COLEC10: variants seen among roughly 807,000 people sequenced by gnomAD.
The protein encoded by COLEC10 is collectin subfamily member 10.
COLEC10 carries 22 observed loss-of-function variants against 28.4 expected under a neutral mutation model. That is an observed-to-expected ratio of 0.78 (90% confidence interval 0.55 to 1.11). The LOEUF is 1.11. Ranked by LOEUF, COLEC10 falls within the 50% of genes least tolerant of loss-of-function variation. The pLI is 0.00. For missense variants in COLEC10, 361 were observed against 344.1 expected (o/e 1.05, Z -0.39); for synonymous variants, 125 against 116.1 (o/e 1.08, Z -0.49).
the COLEC10 span, among the ~76,000 whole-genome samples, chr8:118,981,808 T>G: frequency 3.3e-5 from 5 of 152,146 alleles, no homozygotes; most frequent in Non-Finnish European, 5.9e-5. Flanking sequence ...GGTGATGGGA[T>G]AAGAAAACAT....
the COLEC10 span, among the ~76,000 whole-genome samples, chr8:118,980,770 C>T: frequency 6.6e-6 from 1 of 151,928 alleles, no homozygotes; most frequent in African/African-American, 2.4e-5. Context: ...ATTCAGTTGA[C>T]ATATTGATTG....
At chr8:118,986,502 T>G in the COLEC10 span, among the ~76,000 whole-genome samples, 1 of 152,006 alleles carries the variant, frequency 6.6e-6, no homozygotes, top group Non-Finnish European at 1.5e-5. Context: ...GAATAAAATA[T>G]TCAAAGAAAC....
chr8:119,014,649 T>C (rs1474741806), intron 2 of COLEC10, among the ~76,000 whole-genome samples: 3 of 151,018 alleles, frequency 2.0e-5, no homozygotes, highest in Non-Finnish European at 4.4e-5. Flanking sequence ...ATATTTTCTC[T>C]GTTCTTTTCT....
chr8:119,007,328 C>T (rs557908372), intron 1 of COLEC10, among the ~76,000 whole-genome samples: 1 of 152,036 alleles, frequency 6.6e-6, no homozygotes, highest in Non-Finnish European at 1.5e-5. Flanking sequence ...CTGTAGTTGT[C>T]TCATTTTATT....
At chr8:119,026,075 A>G (rs560802985) in intron 2 of COLEC10, among the ~76,000 whole-genome samples, 81 of 152,334 alleles carry the variant, frequency 5.3e-4, no homozygotes, top group African/African-American at 1.9e-3. Context: ...TGACTTTCAC[A>G]GTAACTGGTT....
chr8:118,986,547 A>G, the COLEC10 span, among the ~76,000 whole-genome samples: 1 of 152,202 alleles, frequency 6.6e-6, no homozygotes, highest in East Asian at 1.9e-4. Flanking sequence ...AGGAAAATAA[A>G]TAGATTATAA....
At chr8:119,051,687 C>G (rs1285027799) in intron 2 of COLEC10, among the ~76,000 whole-genome samples, 1 of 152,142 alleles carries the variant, frequency 6.6e-6, no homozygotes, top group Non-Finnish European at 1.5e-5. Flanking sequence ...AAGCTCATAC[C>G]ATATTAATAG....
chr8:119,028,834 C>G (rs7009167), intron 2 of COLEC10, among the ~76,000 whole-genome samples: 9,338 of 152,286 alleles, frequency 0.061, 389 homozygotes, highest in Non-Finnish European at 0.094. Context: ...ATAAAAATCA[C>G]TATGGCTAGT....
intron 2 of COLEC10, among the ~76,000 whole-genome samples, chr8:119,041,537 A>G (rs1014933862): frequency 6.6e-6 from 1 of 152,166 alleles, no homozygotes; most frequent in African/African-American, 2.4e-5. Context: ...CTTGGCCCTT[A>G]TTAAAACATG....
chr8:119,042,148 C>A (rs550360067), intron 2 of COLEC10, among the ~76,000 whole-genome samples: 3 of 151,772 alleles, frequency 2.0e-5, no homozygotes, highest in Admixed American at 2.0e-4. Flanking sequence ...CAGGAATGCA[C>A]CACCATGCCC....
chr8:119,035,853 A>C (rs1814380283), intron 2 of COLEC10, among the ~76,000 whole-genome samples: 1 of 152,182 alleles, frequency 6.6e-6, no homozygotes, highest in Admixed American at 6.5e-5. Context: ...GTTTCAATAG[A>C]TTTTCATGTG....
chr8:119,083,081 A>G (rs1184880831), intron 1 of COLEC10, among the ~76,000 whole-genome samples: 1 of 152,172 alleles, frequency 6.6e-6, no homozygotes, highest in Non-Finnish European at 1.5e-5. Flanking sequence ...GTCAACACAA[A>G]CCAAACTTAC....
At chr8:118,977,712 A>G in the COLEC10 span, among the ~76,000 whole-genome samples, 3 of 144,918 alleles carry the variant, frequency 2.1e-5, no homozygotes, top group Admixed American at 2.1e-4. Flanking sequence ...TAACCTGCAC[A>G]TTGTGCACAT....
chr8:119,025,824 C>T (rs577708691), intron 2 of COLEC10, among the ~76,000 whole-genome samples: 1 of 152,232 alleles, frequency 6.6e-6, no homozygotes, highest in African/African-American at 2.4e-5. Flanking sequence ...TCCATTTGAG[C>T]TTTCTTGAAA....
the COLEC10 span, among the ~76,000 whole-genome samples, chr8:118,956,927 A>G: frequency 1.3e-5 from 2 of 152,212 alleles, no homozygotes; most frequent in Admixed American, 1.3e-4. Context: ...AACTGGAACT[A>G]AAATAAATTT....
At chr8:118,966,256 G>T in the COLEC10 span, among the ~76,000 whole-genome samples, 1 of 152,008 alleles carries the variant, frequency 6.6e-6, no homozygotes, top group African/African-American at 2.4e-5. Flanking sequence ...AGCAAAAGAG[G>T]ATACCACATT....
At chr8:118,975,297 G>A in the COLEC10 span, among the ~76,000 whole-genome samples, 1 of 151,956 alleles carries the variant, frequency 6.6e-6, no homozygotes, top group Non-Finnish European at 1.5e-5. Flanking sequence ...TTTCAGGCAT[G>A]GCTTTGCTCA....
At chr8:119,057,395 G>A (rs898749665) in intron 2 of COLEC10, among the ~76,000 whole-genome samples, 6 of 152,022 alleles carry the variant, frequency 3.9e-5, no homozygotes, top group Middle Eastern at 3.2e-3. Context: ...TTATAGCAGT[G>A]TGAAAACAGA....
At chr8:118,979,304 A>G in the COLEC10 span, among the ~76,000 whole-genome samples, 10 of 152,092 alleles carry the variant, frequency 6.6e-5, no homozygotes, top group East Asian at 1.9e-3. Flanking sequence ...TCAGACCTTT[A>G]TTTGTTCTCT....
Sources: allele counts gnomAD v4.1 joint callset (sites outside exome capture counted in the v4.1 genomes callset), GRCh38; gene constraint gnomAD v4.1.1; transcripts MANE v1.5; gene names NCBI Gene and HGNC (gene_info 2026-07-23, HGNC 2026-07-21).